GRK4: variants seen among roughly 807,000 people sequenced by gnomAD.
GRK4 encodes the protein G protein-coupled receptor kinase 4.
A neutral mutation model predicts 77.9 loss-of-function variants in GRK4; 73 were observed. That is an observed-to-expected ratio of 0.94 (90% confidence interval 0.78 to 1.14). GRK4 has a LOEUF of 1.14. Among genes scored for constraint, GRK4 ranks in the 50% most tolerant of loss-of-function variants. The probability of loss-of-function intolerance (pLI) is 0.00; values close to 1 mark genes in which losing one functional copy is unlikely to be tolerated. For missense variants in GRK4, 729 were observed against 700.2 expected (o/e 1.04, Z -0.46); for synonymous variants, 257 against 254.4 (o/e 1.01, Z -0.10).
intron 4 of GRK4, among the ~76,000 whole-genome samples, chr4:2,995,577 A>C (rs1358870263): frequency 1.3e-5 from 2 of 150,158 alleles, no homozygotes. Flanking sequence ...GCTCCTTGGG[A>C]GGCTGAGGTA....
At chr4:3,007,884 T>A in intron 6 of GRK4, 56 bp downstream of exon 6, 1 of 1,156,006 alleles carries the variant, frequency 8.7e-7, no homozygotes, top group Non-Finnish European at 1.3e-6. Flanking sequence ...ATGCCTGTAG[T>A]CCCAGCTACT....
intron 4 of GRK4, 58 bp downstream of exon 4, chr4:2,992,350 T>C: frequency 8.7e-7 from 1 of 1,150,210 alleles, no homozygotes; most frequent in Non-Finnish European, 1.3e-6. Flanking sequence ...TGCATAGCCA[T>C]TTTTACTTTG....
chr4:2,980,910 G>T (rs2109522582), intron 1 of GRK4, among the ~76,000 whole-genome samples: 1 of 152,384 alleles, frequency 6.6e-6, no homozygotes, highest in South Asian at 2.1e-4. Flanking sequence ...CCAAGGGCAA[G>T]CCAGGTGCAG....
chr4:3,013,631 GTGGCCTAAGAAA>G lies in GRK4; in HGVS notation c.601-54_601-43del. 1.9e-6 allele frequency: 3 copies of G among 1,557,552 alleles called. 1 individual carries two copies. Among genetic ancestry groups the G allele is most frequent in the Non-Finnish European group, 2.6e-6 (3 of 1,156,128 alleles). ...TCATCAAGCAAAGAGCTTCCTTTGT[GTGGCCTAAGAAA>G]TGCCAGGTGGACATAAACCTCCTTT... On this transcript the variant is annotated intron_variant, in intron 7 of 15. Coordinates refer to ENST00000398052, the MANE Select transcript of GRK4 (RefSeq NM_182982.3).
chr4:3,011,673 C>T (rs912294916), intron 7 of GRK4, among the ~76,000 whole-genome samples: 3 of 152,196 alleles, frequency 2.0e-5, no homozygotes, highest in African/African-American at 7.2e-5. Context: ...TGCCCTCATG[C>T]GGGGACAGCC....
At chr4:3,009,358 G>T (rs1435070035) in intron 6 of GRK4, among the ~76,000 whole-genome samples, 4 of 149,896 alleles carry the variant, frequency 2.7e-5, no homozygotes, top group African/African-American at 9.8e-5. Context: ...GGAGGCGGAG[G>T]TTGCAGTGAG....
At chr4:2,998,824 G>T (rs6446720) in intron 4 of GRK4, among the ~76,000 whole-genome samples, 59,906 of 151,548 alleles carry the variant, frequency 0.4, 12,786 homozygotes, top group African/African-American at 0.55. Flanking sequence ...CCTATCACAA[G>T]TCTAACTACC....
At chr4:3,031,133 C>G (rs1211591861) in intron 12 of GRK4, among the ~76,000 whole-genome samples, 1 of 152,052 alleles carries the variant, frequency 6.6e-6, no homozygotes, top group Non-Finnish European at 1.5e-5. Flanking sequence ...GGAGCCAAGT[C>G]CTTGCAGTGG....
intron 4 of GRK4, 33 bp downstream of exon 4, chr4:2,992,325 G>A (rs776604255): frequency 7.1e-7 from 1 of 1,413,778 alleles, no homozygotes; most frequent in Admixed American, 1.7e-5. Flanking sequence ...AAAATTTGTA[G>A]ATAAATAATT....
chr4:3,010,967 T>A (rs1376245346), intron 7 of GRK4, among the ~76,000 whole-genome samples: 1 of 152,164 alleles, frequency 6.6e-6, no homozygotes, highest in Non-Finnish European at 1.5e-5. Flanking sequence ...CCAGAGACCA[T>A]GAAGAATATT....
At chr4:2,990,246 C>CTTTTT (rs71644371) in intron 3 of GRK4, among the ~76,000 whole-genome samples, 90 of 70,726 alleles carry the variant, frequency 1.3e-3, no homozygotes, top group African/African-American at 1.6e-3. Flanking sequence ...TCTTCTTCTT[C>CTTTTT]TTTTTTTTTT....
intron 10 of GRK4, 121 bp downstream of exon 10, chr4:3,022,572 A>G (rs1736389167): frequency 2.3e-6 from 2 of 875,834 alleles, no homozygotes; most frequent in Non-Finnish European, 1.8e-6. Flanking sequence ...TAACAAAAAG[A>G]AAAACTCTGT....
chr4:3,010,007 G>A (rs1034178519), intron 7 of GRK4, among the ~76,000 whole-genome samples: 11 of 152,160 alleles, frequency 7.2e-5, no homozygotes, highest in African/African-American at 1.7e-4. Flanking sequence ...TTCTGTTTCC[G>A]CATTGTGGAA....
chr4:3,035,088 A>T (rs1352600884), intron 12 of GRK4, among the ~76,000 whole-genome samples: 1 of 152,026 alleles, frequency 6.6e-6, no homozygotes, highest in Non-Finnish European at 1.5e-5. Context: ...CACTAAAAAT[A>T]CAAAAAATTA....
rs1000257666 is a variant in GRK4, at chr4:3,036,330, A to G, written c.1407+807A>G. Reference sequence around the variant, plus strand: ...GTGCTGTTGGGACACCTTCCTCTGGACTGTCCCCGAGGGGCGGGGCCTGCC... The same window carrying G: ...GTGCTGTTGGGACACCTTCCTCTGGGCTGTCCCCGAGGGGCGGGGCCTGCC... On this transcript the variant is annotated intron_variant, in intron 13 of 15. Transcript: ENST00000398052. 1.6e-4 allele frequency among the ~76,000 whole-genome samples: 24 copies of G among 152,166 alleles called. No individual in the cohort carries two copies. The Middle Eastern group carries it at 0.01, about 65-fold the overall frequency.
At chr4:3,027,220 CTTT>C (rs1737834628) in intron 10 of GRK4, among the ~76,000 whole-genome samples, 1 of 151,980 alleles carries the variant, frequency 6.6e-6, no homozygotes, top group Admixed American at 6.6e-5. Context: ...TTTTAAAAAT[CTTT>C]TTTTATAGAG....
intron 1 of GRK4, among the ~76,000 whole-genome samples, chr4:2,975,432 G>C (rs1333565656): frequency 6.6e-6 from 1 of 152,170 alleles, no homozygotes; most frequent in Non-Finnish European, 1.5e-5. Context: ...TGGGGGAGCA[G>C]AGGCAGGGTG....
At chr4:3,007,570 A>G (rs1731672172) in intron 5 of GRK4, among the ~76,000 whole-genome samples, 166 bp from the exon 6 acceptor site, 1 of 152,236 alleles carries the variant, frequency 6.6e-6, no homozygotes, top group African/African-American at 2.4e-5. Context: ...GTTTTCACTT[A>G]TAGCGTTAGA....
intron 1 of GRK4, chr4:2,971,127 G>A (rs1016701779): frequency 4.6e-5 from 7 of 152,028 alleles, no homozygotes; most frequent in Middle Eastern, 3.2e-3. Flanking sequence ...AAACATTTAC[G>A]GTATTTTGTA....
Sources: allele counts gnomAD v4.1 joint callset (sites outside exome capture counted in the v4.1 genomes callset), GRCh38; gene constraint gnomAD v4.1.1; transcripts MANE v1.5; gene names NCBI Gene and HGNC (gene_info 2026-07-23, HGNC 2026-07-21).